The following AKAP1 variants were observed in gnomAD, a reference collection of about 807,000 sequenced individuals.
The protein encoded by AKAP1 is A-kinase anchoring protein 1.
In AKAP1, 32 loss-of-function variants were observed where a neutral mutation model predicts 79.8. The ratio of observed to expected loss-of-function variants is 0.40; its 90% CI spans 0.30 to 0.54. The LOEUF is 0.54. Among genes scored for constraint, AKAP1 ranks in the 20% least tolerant of loss-of-function variants. The pLI is 0.47. For missense variants in AKAP1, 961 were observed against 1,138.9 expected (o/e 0.84, Z 2.25); for synonymous variants, 416 against 466.7 (o/e 0.89, Z 1.40).
chr17:57,090,540 C>T (rs1269857661), intron 1 of AKAP1, among the ~76,000 whole-genome samples: 2 of 151,954 alleles, frequency 1.3e-5, no homozygotes, highest in African/African-American at 2.4e-5. Flanking sequence ...CCCTTTATCA[C>T]CACATCCTCA....
In AKAP1 at chr17:57,109,407, G is replaced by A. The variant is rs971460620; in HGVS notation, c.1715-618G>A. 2.6e-5 allele frequency among the ~76,000 whole-genome samples: 4 copies of A among 152,218 alleles called. No homozygotes were observed. In the South Asian group the frequency reaches 8.3e-4, roughly 32 times the overall value. ...GAGTGTTCAGAGTTGCATGAATCAGGCCTAAGCAAAGGGAAAGGAGACTCT... is the reference window on the plus strand; with the variant it reads ...GAGTGTTCAGAGTTGCATGAATCAGACCTAAGCAAAGGGAAAGGAGACTCT... On this transcript the variant is annotated intron_variant, in intron 2 of 10. Coordinates refer to ENST00000337714, the MANE Select transcript of AKAP1 (RefSeq NM_003488.4).
rs973331980 is a variant in AKAP1 at position 57,105,422 on chromosome 17, G to T, written c.-24-19G>T. ...TGGCTCTGTAACATCCCTCCTCCCC[G>T]CTCTCCTGCTCTCCCCAGGTGTAAT... On this transcript the variant is annotated intron_variant, in intron 1 of 10. Coordinates refer to ENST00000337714, the MANE Select transcript of AKAP1 (RefSeq NM_003488.4). 1 of 1,606,876 alleles carries T rather than the reference G, an allele frequency of 6.2e-7. No homozygotes were observed. The highest frequency in any genetic ancestry group is 1.7e-5 in the Admixed American group (1 of 59,382).
In AKAP1 at chr17:57,106,438, A is replaced by G; in HGVS notation, c.974A>G (p.Asp325Gly). ...TTGGATAGAAATGAGGAGGGCTTGG[A>G]TAGAAATGAGGAGAGCTTGGATAGA... ...EGLDRNEEGLDRNEESLDRNE... is the reference protein window; with the variant it reads ...EGLDRNEEGLGRNEESLDRNE... Residue 325 changes from aspartate to glycine, a missense_variant, in exon 2 of 11, where the codon GAT (aspartate) becomes GGT (glycine). Around this residue, in one of 3 missense-constraint regions of AKAP1, gnomAD observed 629 missense variants for 781.1 expected, o/e 0.81. Transcript: ENST00000337714. The G allele has an allele frequency of 1.3e-6, 2 of 1,481,624 alleles. No individual in the cohort carries two copies. Among genetic ancestry groups the G allele is most frequent in the Admixed American group, 1.7e-5 (1 of 58,002 alleles). The allele number at this position is 1,481,624 out of a possible 1,614,324, so 91.8% of individuals were successfully genotyped here. A position where few individuals can be genotyped will look rare whatever the true frequency, so the allele number is the denominator to read the frequency against.
At chr17:57,112,050 C>T in intron 4 of AKAP1, 126 bp downstream of exon 4, 2 of 1,258,324 alleles carry the variant, frequency 1.6e-6, no homozygotes, top group Non-Finnish European at 2.2e-6. Context: ...GGGAAGGGAG[C>T]ATTAGGTATC....
At chr17:57,110,897 AT>A (rs2144745381) in intron 3 of AKAP1, among the ~76,000 whole-genome samples, 1 of 152,226 alleles carries the variant, frequency 6.6e-6, no homozygotes, top group East Asian at 1.9e-4. Flanking sequence ...CTTGATGTTT[AT>A]CTCTGGGGCT....
chr17:57,090,613 C>T (rs1175189328), intron 1 of AKAP1, among the ~76,000 whole-genome samples: 1 of 152,146 alleles, frequency 6.6e-6, no homozygotes, highest in Non-Finnish European at 1.5e-5. Context: ...TGGAGTCTGA[C>T]TTAAGTGTGT....
At chr17:57,089,846 G>A (rs929167563) in intron 1 of AKAP1, among the ~76,000 whole-genome samples, 8 of 152,204 alleles carry the variant, frequency 5.3e-5, no homozygotes, top group Non-Finnish European at 1.0e-4. Flanking sequence ...GGACAGGAGC[G>A]TGAAGCAAAG....
chr17:57,116,519 C>G (rs960366665), intron 7 of AKAP1, among the ~76,000 whole-genome samples: 9 of 152,206 alleles, frequency 5.9e-5, no homozygotes, highest in African/African-American at 2.2e-4. Context: ...TGGCCTGCTG[C>G]AAATCCCAGC....
At chr17:57,118,175 TG>T (rs1915701813) in intron 8 of AKAP1, among the ~76,000 whole-genome samples, 1 of 152,106 alleles carries the variant, frequency 6.6e-6, no homozygotes, top group Admixed American at 6.5e-5. Flanking sequence ...GTGGGCAACA[TG>T]CAGTAGCGGC....
rs1226874371 is a variant in AKAP1 at position 57,106,709 on chromosome 17, G to A, written c.1245G>A (p.Pro415=). The A allele has an allele frequency of 8.1e-6, 13 of 1,613,846 alleles. No individual in the cohort carries two copies. Among genetic ancestry groups the A allele is most frequent in the South Asian group, 7.7e-5 (7 of 91,088 alleles). Reference sequence around the variant, plus strand: ...CAGCAGAGGCAGCTGTTGCCCCGCCGGATGCTGGCCTCCCCTTGCCAGGCC... The same window carrying A: ...CAGCAGAGGCAGCTGTTGCCCCGCCAGATGCTGGCCTCCCCTTGCCAGGCC... ...PATAEAAVAP[P]DAGLPLPGLP... is the part of the protein sequence containing the mutation. Residue 415 remains proline, a synonymous_variant, in exon 2 of 11, where the codon CCG becomes CCA. Transcript: ENST00000337714.
chr17:57,109,958 T>A, intron 2 of AKAP1, 67 bp from the exon 3 acceptor site: 1 of 1,575,266 alleles, frequency 6.3e-7, no homozygotes, highest in East Asian at 2.3e-5. Flanking sequence ...GTTTGGGAAG[T>A]TCTTGGTTAC....
At chr17:57,105,294 C>G (rs1302356281) in intron 1 of AKAP1, 147 bp from the exon 2 acceptor site, 1 of 762,152 alleles carries the variant, frequency 1.3e-6, no homozygotes, top group East Asian at 2.7e-5. Flanking sequence ...CTGGTACGAG[C>G]TGAGAGGTGT....
chr17:57,088,274 C>A (rs1298232034), intron 1 of AKAP1, among the ~76,000 whole-genome samples: 1 of 152,192 alleles, frequency 6.6e-6, no homozygotes, highest in Non-Finnish European at 1.5e-5. Context: ...ACTGAAGGAA[C>A]CTCCTGGCCT....
rs544853163 is a variant in AKAP1, at chr17:57,108,657, C to T, written c.1715-1368C>T. 2.4e-4 allele frequency among the ~76,000 whole-genome samples: 37 copies of T among 152,232 alleles called. No homozygotes were observed. The South Asian group carries it at 6.2e-3, about 26-fold the overall frequency. On this transcript the variant is annotated intron_variant, in intron 2 of 10. Coordinates refer to ENST00000337714, the MANE Select transcript of AKAP1 (RefSeq NM_003488.4). ...ACGAGCATGCGGTGGGTGCCAAGCA[C>T]GAGGTTAGTGCCTCGCATGTACCTT...
intron 1 of AKAP1, among the ~76,000 whole-genome samples, chr17:57,100,449 A>ACACACACACACACACACACACACG (rs1567901984): frequency 3.3e-5 from 5 of 151,058 alleles, no homozygotes; most frequent in African/African-American, 1.2e-4. Flanking sequence ...ACACACACGC[A>ACACACACACACACACACACACACG]CACACACACA....
chr17:57,116,804 G>C, intron 7 of AKAP1, 56 bp from the exon 8 acceptor site: 1 of 1,483,274 alleles, frequency 6.7e-7, no homozygotes, highest in South Asian at 1.1e-5. Context: ...ATACTGGCTT[G>C]GAGTGGAGTC....
In AKAP1 at chr17:57,086,274, A is replaced by C; in HGVS notation, c.-25+876A>C. On this transcript the variant is annotated intron_variant, in intron 1 of 10. Coordinates refer to ENST00000337714, the MANE Select transcript of AKAP1 (RefSeq NM_003488.4). The surrounding 1 kb of genome is among the most constrained non-coding windows in gnomAD (Gnocchi z 5.1). The stretch of plus-strand genomic sequence containing the variant: ...GGACCGCGCCAGTTTTGGGGTTACG[A>C]TGTGCTAGGAGAGGCAGTGGCTGGA... 1 of 358,256 alleles carries C rather than the reference A, an allele frequency of 2.8e-6. No homozygotes were observed. The highest frequency in any genetic ancestry group is 5.5e-6 in the Non-Finnish European group (1 of 180,480). The allele number at this position is 358,256 out of a possible 1,614,324, so 22.2% of individuals were successfully genotyped here.
Position 57,086,062 on chromosome 17 carries a change from T to A in AKAP1, c.-25+664T>A, listed in dbSNP as rs895141188. On this transcript the variant is annotated intron_variant, in intron 1 of 10. Coordinates refer to ENST00000337714, the MANE Select transcript of AKAP1 (RefSeq NM_003488.4). The surrounding 1 kb of genome is among the most constrained non-coding windows in gnomAD (Gnocchi z 5.1). ...GGGCTGAGGGACCGTTCGAACCGAA[T>A]TGGGGTCTGGAGGTCGGAGGCTCAG... 1 of 218,074 alleles carries A rather than the reference T, an allele frequency of 4.6e-6. No individual in the cohort carries two copies. Among genetic ancestry groups the A allele is most frequent in the African/African-American group, 2.4e-5 (1 of 41,668 alleles). The allele number at this position is 218,074 out of a possible 1,614,324, so 13.5% of individuals were successfully genotyped here. A position where few individuals can be genotyped will look rare whatever the true frequency, so the allele number is the denominator to read the frequency against.
intron 10 of AKAP1, among the ~76,000 whole-genome samples, chr17:57,119,850 TGAGACAGTCTTGCTC>T (rs1915819943): frequency 1.4e-5 from 2 of 139,588 alleles, no homozygotes; most frequent in African/African-American, 2.8e-5. Context: ...TTTTTTTTTT[TGAGACAGTCTTGCTC>T]TTGTTATCCA....
Sources: gnomAD v4.1 joint callset for allele counts (sites outside exome capture counted in the v4.1 genomes callset) on GRCh38, gnomAD v4.1.1 for gene constraint, gnomAD v4.1.1 regional missense constraint, Gnocchi (gnomAD v3.1) non-coding constraint, MANE v1.5 for transcripts, NCBI Gene and HGNC (gene_info 2026-07-23, HGNC 2026-07-21) for gene names.